The following ZRANB1 variants were observed in gnomAD, a reference collection of about 807,000 sequenced individuals.
ZRANB1 encodes zinc finger RANBP2-type containing 1, also known as ubiquitin thioesterase ZRANB1.
Under a neutral mutation model 80.5 loss-of-function variants are expected in ZRANB1, and 16 were observed. The observed-to-expected ratio is 0.20, with a 90% CI of 0.13 to 0.30. The LOEUF (loss-of-function observed/expected upper bound fraction) is 0.30, where lower values mean the gene tolerates loss of function less well. ZRANB1 is among the 10% of genes least tolerant of loss of function. ZRANB1 has a pLI of 1.00. For synonymous variants in ZRANB1, 291 were observed against 293.1 expected (o/e 0.99, Z 0.07); for missense variants, 576 against 862.6 (o/e 0.67, Z 4.16).
At chr10:124,928,637 G>C in the ZRANB1 span, among the ~76,000 whole-genome samples, 1 of 152,172 alleles carries the variant, frequency 6.6e-6, no homozygotes, top group South Asian at 2.1e-4. Context: ...AACATAATCT[G>C]TTCATTGTTA....
the ZRANB1 span, among the ~76,000 whole-genome samples, chr10:124,919,872 G>A: frequency 0.97 from 129,368 of 133,986 alleles, 62,537 homozygotes; most frequent in Non-Finnish European, 0.99. Context: ...CGGCCTCCCA[G>A]ACTGCTGGGA....
the ZRANB1 span, among the ~76,000 whole-genome samples, chr10:124,919,908 G>GCC: frequency 0.011 from 617 of 56,630 alleles, 10 homozygotes; most frequent in Middle Eastern, 0.021. Context: ...ACCGCGCCCG[G>GCC]CCCCCCCCCC....
At chr10:124,933,469 T>C in the ZRANB1 span, among the ~76,000 whole-genome samples, 1 of 152,202 alleles carries the variant, frequency 6.6e-6, no homozygotes, top group Non-Finnish European at 1.5e-5. Context: ...AAGTAGCATG[T>C]TCATAGTTCT....
chr10:124,981,739 A>T lies in ZRANB1; in HGVS notation c.1458A>T (p.Ser486=). ...WFYTRWKDWE[S]WYSQSFGLHF... Reference sequence around the variant, plus strand: ...ACACACGCTGGAAAGATTGGGAATCATGGTATTCTCAGAGCTTTGGTTTAC... The same window carrying T: ...ACACACGCTGGAAAGATTGGGAATCTTGGTATTCTCAGAGCTTTGGTTTAC... Residue 486 remains serine (S), a synonymous_variant, in exon 6 of 9, where the codon TCA becomes TCT. Coordinates refer to ENST00000359653, the MANE Select transcript of ZRANB1 (RefSeq NM_017580.3). 1 of 1,613,630 alleles carries T rather than the reference A, an allele frequency of 6.2e-7. No individual in the cohort carries two copies. Among genetic ancestry groups the T allele is most frequent in the Non-Finnish European group, 8.5e-7 (1 of 1,179,854 alleles).
Position 124,942,503 on chromosome 10 carries a change from C to T in ZRANB1, c.10C>T (p.Arg4Cys), listed in dbSNP as rs1289107270. The T allele has an allele frequency of 2.5e-6, 4 of 1,614,088 alleles. No homozygotes were observed. Among genetic ancestry groups the T allele is most frequent in the South Asian group, 1.1e-5 (1 of 91,070 alleles). Residue 4 changes from arginine to cysteine, a missense_variant, in exon 1 of 9, where the codon CGT (arginine) becomes TGT (cysteine). Coordinates refer to ENST00000359653, the MANE Select transcript of ZRANB1 (RefSeq NM_017580.3). MSE[R>C]GIKWACEYCT... ...CTTCAAGAAGTGCACAATGTCAGAACGTGGAATTAAGTGGGCTTGTGAATA... is the reference window on the plus strand; with the variant it reads ...CTTCAAGAAGTGCACAATGTCAGAATGTGGAATTAAGTGGGCTTGTGAATA...
intron 5 of ZRANB1, among the ~76,000 whole-genome samples, chr10:124,979,811 G>C (rs958678922): frequency 6.6e-6 from 1 of 152,010 alleles, no homozygotes; most frequent in African/African-American, 2.4e-5. Flanking sequence ...CAATTTTGTC[G>C]AAAATTAGTT....
intron 1 of ZRANB1, 56 bp from the exon 2 acceptor site, chr10:124,966,538 G>A: frequency 6.4e-7 from 1 of 1,554,908 alleles, no homozygotes; most frequent in Non-Finnish European, 8.8e-7. Flanking sequence ...GCTACGGTTT[G>A]TGTTTTTTGA....
chr10:124,939,586 T>C (rs1294729524), upstream of ZRANB1, among the ~76,000 whole-genome samples: 1 of 152,212 alleles, frequency 6.6e-6, no homozygotes, highest in Non-Finnish European at 1.5e-5. Context: ...GGCTGTTTAG[T>C]TGCACCTACA....
the ZRANB1 span, among the ~76,000 whole-genome samples, chr10:124,934,609 CTG>C: frequency 5.9e-5 from 9 of 152,216 alleles, no homozygotes; most frequent in African/African-American, 2.2e-4. Context: ...GATGGGAAAA[CTG>C]AGGCTCAGAA....
intron 1 of ZRANB1, among the ~76,000 whole-genome samples, chr10:124,965,775 C>T (rs1029764529): frequency 1.3e-5 from 2 of 152,076 alleles, no homozygotes; most frequent in Non-Finnish European, 2.9e-5. Flanking sequence ...TTTCTTTGCC[C>T]AGGCTGATAC....
intron 1 of ZRANB1, among the ~76,000 whole-genome samples, chr10:124,963,551 TTTG>T (rs571085734): frequency 0.13 from 15,660 of 123,004 alleles, 472 homozygotes; most frequent in African/African-American, 0.17. Flanking sequence ...TTTTTTTTTG[TTTG>T]TTTTTTTTTT....
chr10:124,956,178 G>T (rs1393140549), intron 1 of ZRANB1, among the ~76,000 whole-genome samples: 4 of 152,028 alleles, frequency 2.6e-5, no homozygotes, highest in Non-Finnish European at 5.9e-5. Context: ...ATTCAGTAAC[G>T]GCTTTCATTT....
At chr10:124,984,678 G>T in intron 8 of ZRANB1, 96 bp from the exon 9 acceptor site, 1 of 1,274,500 alleles carries the variant, frequency 7.8e-7, no homozygotes. Context: ...GCCTTTTCAT[G>T]AGTTAGCATA....
intron 5 of ZRANB1, among the ~76,000 whole-genome samples, chr10:124,976,565 CTTTTTTT>C (rs138858881): frequency 6.6e-5 from 5 of 75,700 alleles, no homozygotes; most frequent in African/African-American, 2.1e-4. Context: ...TGGTAATTTC[CTTTTTTT>C]TTTTTTTTTT....
chr10:124,926,907 T>C, the ZRANB1 span, among the ~76,000 whole-genome samples: 2 of 152,208 alleles, frequency 1.3e-5, no homozygotes, highest in Non-Finnish European at 2.9e-5. Flanking sequence ...CTGTCACATA[T>C]ACAGTCTGTC....
At chr10:124,952,299 C>G (rs745509504) in intron 1 of ZRANB1, among the ~76,000 whole-genome samples, 12 of 152,190 alleles carry the variant, frequency 7.9e-5, no homozygotes, top group Non-Finnish European at 1.5e-4. Context: ...TTGTAAATCA[C>G]AGCGGGAGAC....
chr10:124,982,792 T>C (rs1274769003), intron 6 of ZRANB1, among the ~76,000 whole-genome samples: 1 of 151,406 alleles, frequency 6.6e-6, no homozygotes, highest in East Asian at 1.9e-4. Context: ...ACAGGCTCAC[T>C]TATTTATTTC....
Position 124,942,435 on chromosome 10 carries a change from A to G in ZRANB1, c.-59A>G. 4 of 1,603,932 alleles carry G rather than the reference A, an allele frequency of 2.5e-6. No individual in the cohort carries two copies. The highest frequency in any genetic ancestry group is 3.4e-6 in the Non-Finnish European group (4 of 1,173,426). ...GAGGTGGAATGTAGTTATTTTAATA[A>G]CCATGTCCTAATTATTTATAGCTTC... On this transcript the variant is annotated 5_prime_UTR_variant, in exon 1 of 9. Coordinates refer to ENST00000359653, the MANE Select transcript of ZRANB1 (RefSeq NM_017580.3).
chr10:124,924,586 T>C, the ZRANB1 span, among the ~76,000 whole-genome samples: 3 of 152,186 alleles, frequency 2.0e-5, no homozygotes, highest in Non-Finnish European at 4.4e-5. Flanking sequence ...TATGACCGTT[T>C]ATGTGGCTTT....
Sources: allele counts gnomAD v4.1 joint callset (sites outside exome capture counted in the v4.1 genomes callset), GRCh38; gene constraint gnomAD v4.1.1; transcripts MANE v1.5; gene names NCBI Gene and HGNC (gene_info 2026-07-23, HGNC 2026-07-21).